GBF1: variants seen among roughly 807,000 people sequenced by gnomAD.
GBF1 encodes the protein Golgi-specific brefeldin A-resistance guanine nucleotide exchange factor 1.
A neutral mutation model predicts 210.5 loss-of-function variants in GBF1; 114 were observed. That is an observed-to-expected ratio of 0.54 (90% CI 0.47 to 0.63). The LOEUF (loss-of-function observed/expected upper bound fraction) is 0.63. Ranked by LOEUF, GBF1 falls within the 30% of genes least tolerant of loss-of-function variation. GBF1 has a pLI of 0.00. For synonymous variants in GBF1, 850 were observed against 889.2 expected, an observed-to-expected ratio of 0.96 and a Z score of 0.78; for missense variants, 1,851 against 2,357.7, an observed-to-expected ratio of 0.79 and a Z score of 4.45.
chr10:102,315,812 C>G (rs1327903807), intron 3 of GBF1, among the ~76,000 whole-genome samples: 2 of 152,120 alleles, frequency 1.3e-5, no homozygotes, highest in Non-Finnish European at 2.9e-5. Flanking sequence ...CTGTAGGTAA[C>G]AGAAAAGCAA....
At chr10:102,277,323 A>C (rs1291253671) in intron 3 of GBF1, among the ~76,000 whole-genome samples, 1 of 152,134 alleles carries the variant, frequency 6.6e-6, no homozygotes, top group Non-Finnish European at 1.5e-5. Flanking sequence ...ACCCTGTCTC[A>C]AAAAAAGAAA....
At chr10:102,247,357 G>A (rs1328029982) in intron 1 of GBF1, among the ~76,000 whole-genome samples, 1 of 152,142 alleles carries the variant, frequency 6.6e-6, no homozygotes, top group Non-Finnish European at 1.5e-5. Flanking sequence ...AATGGTACAG[G>A]AAACTATTTG....
Position 102,376,816 on chromosome 10 carries a change from AGGGGGCAGCTG to A in GBF1, c.4288+20_4288+30del. On this transcript the variant is annotated intron_variant, in intron 32 of 39. Coordinates refer to ENST00000369983, the MANE Select transcript of GBF1 (RefSeq NM_001377137.1). ...CTGAATGGCGGTGGGTCAGCTGATG[AGGGGGCAGCTG>A]GGGAGTAGCCATGCAATTATGCAGG... 1 of 1,608,784 alleles carries A rather than the reference AGGGGGCAGCTG, an allele frequency of 6.2e-7. No individual in the cohort carries two copies. Among genetic ancestry groups the A allele is most frequent in the Non-Finnish European group, 8.5e-7 (1 of 1,179,256 alleles).
At chr10:102,317,758 A>G (rs1025270748) in intron 3 of GBF1, among the ~76,000 whole-genome samples, 4 of 152,140 alleles carry the variant, frequency 2.6e-5, no homozygotes, top group Non-Finnish European at 2.9e-5. Flanking sequence ...TATTCTATAC[A>G]TTTTTGCCTC....
intron 3 of GBF1, among the ~76,000 whole-genome samples, chr10:102,307,228 A>C (rs111804896): frequency 2.0e-3 from 299 of 152,272 alleles, no homozygotes; most frequent in African/African-American, 6.9e-3. Flanking sequence ...CTCTTACTAT[A>C]ACATGGACTT....
At chr10:102,302,657 A>G (rs562923576) in intron 3 of GBF1, among the ~76,000 whole-genome samples, 6 of 152,292 alleles carry the variant, frequency 3.9e-5, no homozygotes, top group Non-Finnish European at 5.9e-5. Context: ...GTCATTGTCA[A>G]TTTTTACAAG....
chr10:102,377,299 G>A (rs2060561698), intron 33 of GBF1, among the ~76,000 whole-genome samples, 159 bp downstream of exon 33: 1 of 151,528 alleles, frequency 6.6e-6, no homozygotes, highest in South Asian at 2.1e-4. Flanking sequence ...AACCTTACCT[G>A]TAAGTCTTTA....
the GBF1 span, chr10:102,231,690 C>T: frequency 1.9e-6 from 3 of 1,611,722 alleles, no homozygotes; most frequent in African/African-American, 4.0e-5. Context: ...GCTCCTGTAG[C>T]TGCTGGCTGG....
chr10:102,378,217 CAA>C (rs147480488), intron 33 of GBF1, among the ~76,000 whole-genome samples: 16 of 88,158 alleles, frequency 1.8e-4, no homozygotes, highest in Admixed American at 3.8e-4. Context: ...GACTCCATCT[CAA>C]AAAAAAAAAA....
intron 3 of GBF1, among the ~76,000 whole-genome samples, chr10:102,294,398 T>TC (rs1008020245): frequency 1.3e-5 from 2 of 151,300 alleles, no homozygotes; most frequent in African/African-American, 4.9e-5. Flanking sequence ...TTTTTTTTTT[T>TC]TGAGACAGAG....
In GBF1 at chr10:102,369,988, A is replaced by T; in HGVS notation, c.3339+4A>T. ...AGTGGCCTTAGAGTGTATAAAGGTA[A>T]CTGCCCATCCACCCCTGGTGAGAAA... On this transcript the variant is annotated splice_donor_region_variant and intron_variant, in intron 26 of 39. Coordinates refer to ENST00000369983, the MANE Select transcript of GBF1 (RefSeq NM_001377137.1). 1.9e-6 allele frequency: 3 copies of T among 1,614,136 alleles called. No individual in the cohort carries two copies. The highest frequency in any genetic ancestry group is 2.5e-6 in the Non-Finnish European group (3 of 1,179,994).
chr10:102,352,582 A>T, intron 7 of GBF1, 64 bp downstream of exon 7: 1 of 1,146,628 alleles, frequency 8.7e-7, no homozygotes, highest in South Asian at 1.2e-5. Flanking sequence ...CTGCTTCCAC[A>T]CAGCCACGTC....
At chr10:102,291,893 T>TC (rs1311292084) in intron 3 of GBF1, among the ~76,000 whole-genome samples, 1 of 148,940 alleles carries the variant, frequency 6.7e-6, no homozygotes, top group Non-Finnish European at 1.5e-5. Context: ...AACTTTTCTT[T>TC]TTTTTTTTTT....
upstream of GBF1, among the ~76,000 whole-genome samples, chr10:102,243,174 C>G (rs973838348): frequency 2.0e-5 from 3 of 152,172 alleles, no homozygotes; most frequent in Middle Eastern, 3.2e-3. Context: ...AATTCCTACT[C>G]CTCCAATGTT....
rs768289337 is a variant in GBF1 at position 102,363,353 on chromosome 10, G to A, written c.1974G>A (p.Gly658=). 3.1e-6 allele frequency: 5 copies of A among 1,614,142 alleles called. No individual in the cohort carries two copies. The South Asian group carries it at 3.3e-5, about 11-fold the overall frequency. ...PGGGRLPPEH[G]KSGCSDLEEA... ...GAGGGCGGCTGCCACCAGAACATGGGAAATCAGGATGCAGTGATCTGGAGG... is the reference window on the plus strand; with the variant it reads ...GAGGGCGGCTGCCACCAGAACATGGAAAATCAGGATGCAGTGATCTGGAGG... Residue 658 remains glycine, a synonymous_variant, in exon 16 of 40, where the codon GGG becomes GGA. Coordinates refer to ENST00000369983, the MANE Select transcript of GBF1 (RefSeq NM_001377137.1). The surrounding 1 kb of genome is among the most constrained non-coding windows in gnomAD (Gnocchi z 4.2).
intron 3 of GBF1, among the ~76,000 whole-genome samples, chr10:102,327,280 C>G (rs2056977872): frequency 6.6e-6 from 1 of 152,162 alleles, no homozygotes; most frequent in Non-Finnish European, 1.5e-5. Context: ...CTTAAAGAAC[C>G]TAGGCCCTTA....
chr10:102,286,382 G>A (rs551342770), intron 3 of GBF1, among the ~76,000 whole-genome samples: 12 of 152,158 alleles, frequency 7.9e-5, no homozygotes, highest in African/African-American at 1.7e-4. Context: ...GTCTGGAGCT[G>A]TGTAGCAGTA....
At chr10:102,377,382 GTCTC>G (rs1340441585) in intron 33 of GBF1, among the ~76,000 whole-genome samples, 1 of 150,744 alleles carries the variant, frequency 6.6e-6, no homozygotes, top group African/African-American at 2.4e-5. Context: ...TTGAGATGTA[GTCTC>G]TCTGTCACCC....
Position 102,376,892 on chromosome 10 carries a change from C to A in GBF1, c.4289-43C>A, listed in dbSNP as rs542385728. ...GGGAGAAAAGGCAGGGTATCTATGC[C>A]TATATAGACACAGAAATGTGACCTG... On this transcript the variant is annotated intron_variant, in intron 32 of 39. Coordinates refer to ENST00000369983, the MANE Select transcript of GBF1 (RefSeq NM_001377137.1). The A allele has an allele frequency of 5.6e-6, 9 of 1,609,132 alleles. No homozygotes were observed. The African/African-American group carries it at 9.4e-5, about 17-fold the overall frequency.
Sources: allele counts gnomAD v4.1 joint callset (sites outside exome capture counted in the v4.1 genomes callset), GRCh38; gene constraint gnomAD v4.1.1; non-coding constraint Gnocchi (gnomAD v3.1); transcripts MANE v1.5; gene names NCBI Gene and HGNC (gene_info 2026-07-23, HGNC 2026-07-21).